Variants in ARK2C observed in about 807,000 individuals in gnomAD.
ARK2C encodes arkadia (RNF111) C-terminal like ring finger ubiquitin ligase 2C, also known as E3 ubiquitin-protein ligase ARK2C.
chr18:46,428,370 C>A, the ARK2C span, among the ~76,000 whole-genome samples: 3 of 152,194 alleles, frequency 2.0e-5, no homozygotes, highest in Non-Finnish European at 4.4e-5. Flanking sequence ...GATCGTGCCA[C>A]TGCACTTCAG....
chr18:46,436,438 A>T, the ARK2C span, among the ~76,000 whole-genome samples: 1 of 152,182 alleles, frequency 6.6e-6, no homozygotes, highest in Non-Finnish European at 1.5e-5. Flanking sequence ...TAGGTCAAAA[A>T]TATTTTGTTT....
At chr18:46,396,795 T>C in the ARK2C span, among the ~76,000 whole-genome samples, 3 of 152,166 alleles carry the variant, frequency 2.0e-5, no homozygotes, top group Admixed American at 2.0e-4. Flanking sequence ...TCGGGACAGC[T>C]CAGGGCATCC....
the ARK2C span, among the ~76,000 whole-genome samples, chr18:46,425,452 G>A: frequency 6.6e-5 from 10 of 152,228 alleles, no homozygotes; most frequent in Non-Finnish European, 1.3e-4. Flanking sequence ...CAGGCTGCCT[G>A]TTCTTCCCCT....
the ARK2C span, among the ~76,000 whole-genome samples, chr18:46,361,475 G>A: frequency 6.6e-6 from 1 of 152,166 alleles, no homozygotes; most frequent in East Asian, 1.9e-4. Flanking sequence ...CCAAAAAAAG[G>A]CAGACAGTGC....
the ARK2C span, among the ~76,000 whole-genome samples, chr18:46,363,014 A>T: frequency 4.9e-4 from 74 of 152,290 alleles, 1 homozygote; most frequent in Middle Eastern, 6.8e-3. Flanking sequence ...TTAAAACCAG[A>T]CCAACCTCTG....
At chr18:46,378,325 G>C in the ARK2C span, among the ~76,000 whole-genome samples, 1 of 152,194 alleles carries the variant, frequency 6.6e-6, no homozygotes, top group African/African-American at 2.4e-5. Flanking sequence ...AACCGAGGCT[G>C]GGTGGCTGCT....
the ARK2C span, among the ~76,000 whole-genome samples, chr18:46,382,975 A>G: frequency 6.6e-6 from 1 of 152,298 alleles, no homozygotes; most frequent in Non-Finnish European, 1.5e-5. Context: ...GCATGTATTA[A>G]TACTCACTCC....
the ARK2C span, among the ~76,000 whole-genome samples, chr18:46,438,327 C>T: frequency 1.3e-5 from 2 of 152,176 alleles, no homozygotes; most frequent in African/African-American, 4.8e-5. Context: ...CTTTAGGGTT[C>T]GAGGAACCAC....
At chr18:46,462,718 C>T in the ARK2C span, 1 of 152,620 alleles carries the variant, frequency 6.6e-6, no homozygotes, top group South Asian at 2.1e-4. Flanking sequence ...TTATGCTGCT[C>T]TGCAGGGTCA....
At chr18:46,375,994 T>C in the ARK2C span, among the ~76,000 whole-genome samples, 1 of 152,188 alleles carries the variant, frequency 6.6e-6, no homozygotes, top group Non-Finnish European at 1.5e-5. Flanking sequence ...TGGATGATAA[T>C]AGCTCAGAGG....
At chr18:46,400,616 C>T in the ARK2C span, among the ~76,000 whole-genome samples, 2 of 152,106 alleles carry the variant, frequency 1.3e-5, no homozygotes, top group African/African-American at 4.8e-5. Context: ...GTCAGAACTC[C>T]CCCATTCTCA....
chr18:46,374,409 G>C, the ARK2C span, among the ~76,000 whole-genome samples: 1 of 151,888 alleles, frequency 6.6e-6, no homozygotes, highest in Non-Finnish European at 1.5e-5. Flanking sequence ...CATTAAACAC[G>C]AACTCCCCAT....
chr18:46,459,565 G>A, the ARK2C span: 1 of 152,302 alleles, frequency 6.6e-6, no homozygotes, highest in Non-Finnish European at 1.5e-5. Context: ...CACCAGAGGG[G>A]AGAGGGAAGC....
chr18:46,395,057 C>T, the ARK2C span, among the ~76,000 whole-genome samples: 1 of 152,230 alleles, frequency 6.6e-6, no homozygotes, highest in African/African-American at 2.4e-5. Context: ...ACAGGTACCC[C>T]CTCTCCTCGC....
At chr18:46,447,557 C>T in the ARK2C span, 1 of 1,614,038 alleles carries the variant, frequency 6.2e-7, no homozygotes. Context: ...GGCTGTTTCC[C>T]TGCAGGGATC....
At chr18:46,335,389 C>G in the ARK2C span, 1 of 152,216 alleles carries the variant, frequency 6.6e-6, no homozygotes, top group Non-Finnish European at 1.5e-5. Context: ...CCCACCTCCA[C>G]TCCACATTTC....
the ARK2C span, among the ~76,000 whole-genome samples, chr18:46,362,147 G>A: frequency 6.6e-6 from 1 of 152,226 alleles, no homozygotes; most frequent in African/African-American, 2.4e-5. Flanking sequence ...GGCCCAAGGT[G>A]ACAAATGAGT....
the ARK2C span, among the ~76,000 whole-genome samples, chr18:46,415,178 G>A: frequency 6.6e-6 from 1 of 152,214 alleles, no homozygotes. Context: ...GACACTCATC[G>A]AAATGTGAAT....
At chr18:46,335,619 T>C in the ARK2C span, 3 of 148,320 alleles carry the variant, frequency 2.0e-5, no homozygotes, top group Non-Finnish European at 4.5e-5. Flanking sequence ...ATGTCTTCCC[T>C]TGGCCGACCA....
Sources: gnomAD v4.1 joint callset for allele counts (sites outside exome capture counted in the v4.1 genomes callset) on GRCh38, gnomAD v4.1.1 for gene constraint, MANE v1.5 for transcripts, NCBI Gene and HGNC (gene_info 2026-07-23, HGNC 2026-07-21) for gene names.